COL21A1: variants seen among roughly 807,000 people sequenced by gnomAD.
COL21A1 encodes the protein collagen type XXI alpha 1 chain, also known as collagen alpha-1(XXI) chain.
A neutral mutation model predicts 137.9 loss-of-function variants in COL21A1; 149 were observed. The observed-to-expected ratio is 1.08, with a 90% CI of 0.95 to 1.24. COL21A1 has a LOEUF of 1.24. Ranked by LOEUF, COL21A1 falls within the 50% of genes most tolerant of loss-of-function variation. The probability of loss-of-function intolerance (pLI) is 0.00; values close to 1 mark genes in which losing one functional copy is unlikely to be tolerated. For synonymous variants in COL21A1, 456 were observed against 391.5 expected (o/e 1.16, Z -1.95); for missense variants, 1,167 against 1,158.4 (o/e 1.01, Z -0.11).
chr6:56,198,038 A>G (rs1291251043), intron 1 of COL21A1, among the ~76,000 whole-genome samples: 1 of 152,040 alleles, frequency 6.6e-6, no homozygotes, highest in Non-Finnish European at 1.5e-5. Context: ...TACTATTTAG[A>G]CTTACAAAAA....
chr6:56,280,262 G>A (rs560682924), intron 1 of COL21A1, among the ~76,000 whole-genome samples: 4 of 152,140 alleles, frequency 2.6e-5, no homozygotes, highest in Non-Finnish European at 5.9e-5. Flanking sequence ...CCTTCAACAA[G>A]TATTGACTAA....
intron 1 of COL21A1, among the ~76,000 whole-genome samples, chr6:56,319,399 G>A (rs929589015): frequency 1.3e-5 from 2 of 152,110 alleles, no homozygotes; most frequent in African/African-American, 4.8e-5. Context: ...GTGCAGTGGT[G>A]TACTCTCTGC....
intron 17 of COL21A1, among the ~76,000 whole-genome samples, chr6:56,098,222 C>A (rs190023266): frequency 3.7e-3 from 34 of 9,228 alleles, no homozygotes; most frequent in East Asian, 0.013. Flanking sequence ...TATATAAATA[C>A]ATATATAAAT....
At chr6:56,205,692 C>T (rs61659830) in intron 1 of COL21A1, among the ~76,000 whole-genome samples, 1,838 of 152,212 alleles carry the variant, frequency 0.012, 32 homozygotes, top group African/African-American at 0.042. Context: ...GTCACATTCA[C>T]CAAGGTTGAA....
intron 12 of COL21A1, among the ~76,000 whole-genome samples, chr6:56,139,651 C>T (rs923977060): frequency 2.0e-5 from 3 of 152,286 alleles, no homozygotes; most frequent in South Asian, 4.1e-4. Context: ...TATTCTCTAA[C>T]ATTTTTTAGC....
At chr6:56,317,819 C>T (rs1045879226) in intron 1 of COL21A1, among the ~76,000 whole-genome samples, 3 of 152,164 alleles carry the variant, frequency 2.0e-5, no homozygotes, top group African/African-American at 7.2e-5. Flanking sequence ...TCATGATCCA[C>T]CTTCCTTCAC....
At chr6:56,383,328 C>T (rs2094011844) in intron 1 of COL21A1, among the ~76,000 whole-genome samples, 1 of 152,122 alleles carries the variant, frequency 6.6e-6, no homozygotes, top group South Asian at 2.1e-4. Flanking sequence ...TAATTACCTC[C>T]CCAAAGCCCC....
chr6:56,304,341 G>T (rs1043238069), intron 1 of COL21A1, among the ~76,000 whole-genome samples: 1 of 151,850 alleles, frequency 6.6e-6, no homozygotes, highest in Non-Finnish European at 1.5e-5. Flanking sequence ...GGTAGAATTC[G>T]GCTGTGAATC....
chr6:56,192,266 A>T (rs1365651424), intron 1 of COL21A1, among the ~76,000 whole-genome samples: 3 of 152,218 alleles, frequency 2.0e-5, no homozygotes, highest in Non-Finnish European at 4.4e-5. Context: ...AACCTAGGCA[A>T]TACCATTCAG....
intron 3 of COL21A1, among the ~76,000 whole-genome samples, chr6:56,179,157 A>G (rs2152280035): frequency 6.6e-6 from 1 of 152,174 alleles, no homozygotes; most frequent in East Asian, 1.9e-4. Context: ...AGAAGGATAA[A>G]CTAAAACACA....
intron 1 of COL21A1, among the ~76,000 whole-genome samples, chr6:56,259,036 T>C (rs3846931): frequency 0.25 from 38,045 of 152,122 alleles, 6,107 homozygotes; most frequent in East Asian, 0.67. Context: ...CCCAAACTTA[T>C]TTGCACTCCC....
chr6:56,195,483 T>C (rs1778961184), intron 1 of COL21A1, among the ~76,000 whole-genome samples: 2 of 151,818 alleles, frequency 1.3e-5, no homozygotes, highest in African/African-American at 2.4e-5. Flanking sequence ...TATTTTAATA[T>C]ATATTTTAGT....
intron 1 of COL21A1, among the ~76,000 whole-genome samples, chr6:56,215,789 C>T (rs777048445): frequency 2.6e-5 from 4 of 152,004 alleles, no homozygotes; most frequent in Non-Finnish European, 5.9e-5. Flanking sequence ...TTTGCAAAAG[C>T]ACGAGTGGAA....
intron 1 of COL21A1, among the ~76,000 whole-genome samples, chr6:56,293,317 C>A (rs34105976): frequency 0.031 from 4,650 of 152,172 alleles, 101 homozygotes; most frequent in Non-Finnish European, 0.05. Flanking sequence ...ATATAGGATT[C>A]TTTTTCTCAC....
chr6:56,310,436 A>T (rs1764582951), intron 1 of COL21A1, among the ~76,000 whole-genome samples: 1 of 152,182 alleles, frequency 6.6e-6, no homozygotes, highest in Admixed American at 6.5e-5. Context: ...CAGTATTTTT[A>T]GCACTCCCCA....
At chr6:56,246,516 G>T (rs943752122) in intron 1 of COL21A1, among the ~76,000 whole-genome samples, 1 of 151,770 alleles carries the variant, frequency 6.6e-6, no homozygotes, top group African/African-American at 2.4e-5. Context: ...AAATAACTAA[G>T]GTTCTTCTGA....
At chr6:56,222,583 G>GAACCAC (rs1780908123) in intron 1 of COL21A1, among the ~76,000 whole-genome samples, 1 of 152,070 alleles carries the variant, frequency 6.6e-6, no homozygotes, top group African/African-American at 2.4e-5. Context: ...ATGAAACACA[G>GAACCAC]ATTTCCCATT....
At chr6:56,134,014 A>G (rs1773783860) in intron 12 of COL21A1, among the ~76,000 whole-genome samples, 1 of 152,228 alleles carries the variant, frequency 6.6e-6, no homozygotes, top group Non-Finnish European at 1.5e-5. Flanking sequence ...GAGCCCCCAG[A>G]GTCCCTACTG....
chr6:56,253,502 A>G, intron 1 of COL21A1, among the ~76,000 whole-genome samples: 1 of 152,208 alleles, frequency 6.6e-6, no homozygotes, highest in Non-Finnish European at 1.5e-5. Context: ...GAATGAAGCC[A>G]ACACAGAGAA....
Sources: allele counts gnomAD v4.1 joint callset (sites outside exome capture counted in the v4.1 genomes callset), GRCh38; gene constraint gnomAD v4.1.1; transcripts MANE v1.5; gene names NCBI Gene and HGNC (gene_info 2026-07-23, HGNC 2026-07-21).